Variants in LRMDA observed in about 807,000 individuals in gnomAD.
LRMDA encodes leucine-rich melanocyte differentiation-associated protein.
LRMDA carries 18 observed loss-of-function variants against 29.8 expected under a neutral mutation model. The observed-to-expected ratio is 0.60, with a 90% confidence interval of 0.42 to 0.90. The LOEUF (loss-of-function observed/expected upper bound fraction) is 0.90, where lower values mean the gene tolerates loss of function less well. LRMDA is among the 40% of genes least tolerant of loss of function. LRMDA has a pLI of 0.00. For synonymous variants in LRMDA, 125 were observed against 109.4 expected (o/e 1.14, Z -0.89); for missense variants, 273 against 273.9 (o/e 1.00, Z 0.02).
At chr10:75,587,661 T>C (rs188675606) in intron 2 of LRMDA, among the ~76,000 whole-genome samples, 33 of 152,346 alleles carry the variant, frequency 2.2e-4, no homozygotes, top group African/African-American at 7.7e-4. Context: ...AACCTTTAGA[T>C]AACTTGAACC....
intron 2 of LRMDA, among the ~76,000 whole-genome samples, chr10:75,656,147 A>G (rs1841672321): frequency 6.6e-6 from 1 of 152,190 alleles, no homozygotes; most frequent in African/African-American, 2.4e-5. Flanking sequence ...TTGAACAATT[A>G]TTTTATCCGA....
At position 76,557,084 on chromosome 10, in the gene LRMDA, A is replaced by G; in HGVS notation, c.602-125A>G. On this transcript the variant is annotated intron_variant, in intron 6 of 6. Coordinates refer to ENST00000611255, the MANE Select transcript of LRMDA (RefSeq NM_001305581.2). ...AAAAGGGAGAGTTCTTCCCTTCTGG[A>G]GCTTCATCCACTTTCTGCTGCCCAT... is the stretch of plus-strand genomic sequence containing the variant. 4 of 732,020 alleles carry G rather than the reference A, an allele frequency of 5.5e-6. No individual in the cohort carries two copies. The East Asian group carries it at 1.0e-4, about 19-fold the overall frequency. The allele number at this position is 732,020 out of a possible 1,614,324, so 45.3% of individuals were successfully genotyped here. A position where few individuals can be genotyped will look rare whatever the true frequency, so the allele number is the denominator to read the frequency against.
At chr10:75,729,201 C>T (rs190380403) in intron 2 of LRMDA, among the ~76,000 whole-genome samples, 1 of 152,324 alleles carries the variant, frequency 6.6e-6, no homozygotes, top group East Asian at 1.9e-4. Context: ...ATATAAATAG[C>T]AGAATCTTGA....
intron 2 of LRMDA, among the ~76,000 whole-genome samples, chr10:75,948,124 G>A (rs117149027): frequency 7.6e-4 from 116 of 152,242 alleles, no homozygotes; most frequent in African/African-American, 1.5e-3. Flanking sequence ...AATGTTATAC[G>A]TTCCAGCCCC....
At chr10:76,276,049 C>CTT (rs1199214325) in intron 5 of LRMDA, among the ~76,000 whole-genome samples, 6 of 144,432 alleles carry the variant, frequency 4.2e-5, no homozygotes, top group Non-Finnish European at 7.5e-5. Context: ...ATCTATCTAT[C>CTT]TATCTCTTTC....
intron 2 of LRMDA, among the ~76,000 whole-genome samples, chr10:75,617,057 C>T (rs945629173): frequency 2.0e-5 from 3 of 152,168 alleles, no homozygotes; most frequent in African/African-American, 7.2e-5. Flanking sequence ...CAGATGGTTT[C>T]TATGAAAGTG....
intron 2 of LRMDA, among the ~76,000 whole-genome samples, chr10:75,586,273 A>G (rs1840653638): frequency 6.6e-6 from 1 of 150,988 alleles, no homozygotes; most frequent in African/African-American, 2.4e-5. Context: ...TTTTCCATAG[A>G]AGCTATACAG....
At chr10:76,412,089 T>C (rs1243232382) in intron 6 of LRMDA, among the ~76,000 whole-genome samples, 1 of 152,246 alleles carries the variant, frequency 6.6e-6, no homozygotes, top group African/African-American at 2.4e-5. Flanking sequence ...ATTTTGAACA[T>C]TTCCCAAATT....
chr10:76,505,739 C>A (rs886237269), intron 6 of LRMDA, among the ~76,000 whole-genome samples: 5 of 152,112 alleles, frequency 3.3e-5, no homozygotes, highest in African/African-American at 4.8e-5. Context: ...TTGCCATCCA[C>A]AATGAATTCT....
At chr10:75,889,603 G>A (rs1036363778) in intron 2 of LRMDA, among the ~76,000 whole-genome samples, 1 of 152,214 alleles carries the variant, frequency 6.6e-6, no homozygotes, top group Non-Finnish European at 1.5e-5. Flanking sequence ...TTGGGTGATT[G>A]TGCAATTGTG....
chr10:76,020,180 C>T (rs139111633), intron 2 of LRMDA, among the ~76,000 whole-genome samples: 192 of 152,254 alleles, frequency 1.3e-3, no homozygotes, highest in African/African-American at 4.2e-3. Flanking sequence ...AGATGTGGGT[C>T]GCCTACCCTG....
At chr10:75,699,996 TG>T (rs1241947327) in intron 2 of LRMDA, among the ~76,000 whole-genome samples, 1 of 152,158 alleles carries the variant, frequency 6.6e-6, no homozygotes, top group East Asian at 1.9e-4. Context: ...GAAGAAGGAA[TG>T]GGTTCTCTCC....
chr10:75,862,212 G>A (rs61862117), intron 2 of LRMDA, among the ~76,000 whole-genome samples: 9 of 96,806 alleles, frequency 9.3e-5, no homozygotes, highest in South Asian at 8.0e-4. Context: ...ACACACACAC[G>A]CACTTAAGTC....
chr10:75,652,380 G>A (rs958473873), intron 2 of LRMDA, among the ~76,000 whole-genome samples: 1 of 152,218 alleles, frequency 6.6e-6, no homozygotes, highest in East Asian at 1.9e-4. Flanking sequence ...TATGTTCACT[G>A]TGTAGACACT....
chr10:76,377,533 T>G (rs1159472528), intron 6 of LRMDA, among the ~76,000 whole-genome samples: 1 of 152,210 alleles, frequency 6.6e-6, no homozygotes, highest in East Asian at 1.9e-4. Flanking sequence ...AGGTCTTTAT[T>G]CCATCTTGAG....
intron 5 of LRMDA, among the ~76,000 whole-genome samples, chr10:76,258,814 G>A (rs2132306118): frequency 6.6e-6 from 1 of 152,216 alleles, no homozygotes; most frequent in African/African-American, 2.4e-5. Flanking sequence ...TTATGGCTGA[G>A]TGATATTCCA....
At chr10:75,845,129 A>G (rs1844610701) in intron 2 of LRMDA, among the ~76,000 whole-genome samples, 1 of 152,120 alleles carries the variant, frequency 6.6e-6, no homozygotes, top group Non-Finnish European at 1.5e-5. Flanking sequence ...TTTTTTTACA[A>G]AAGTTTCTTG....
At chr10:75,697,632 A>C (rs898570820) in intron 2 of LRMDA, among the ~76,000 whole-genome samples, 1 of 152,132 alleles carries the variant, frequency 6.6e-6, no homozygotes, top group African/African-American at 2.4e-5. Context: ...GGTGGAGGGC[A>C]GTATGCCTTT....
intron 6 of LRMDA, among the ~76,000 whole-genome samples, chr10:76,338,363 CATAAATAAATAA>C (rs35208147): frequency 0.13 from 18,621 of 146,296 alleles, 1,825 homozygotes; most frequent in African/African-American, 0.26. Context: ...GACACAGTCT[CATAAATAAATAA>C]ATAAATAAAT....
Sources: allele counts gnomAD v4.1 joint callset (sites outside exome capture counted in the v4.1 genomes callset), GRCh38; gene constraint gnomAD v4.1.1; transcripts MANE v1.5; gene names NCBI Gene and HGNC (gene_info 2026-07-23, HGNC 2026-07-21).